DAGLB: variants seen among roughly 807,000 people sequenced by gnomAD.
DAGLB encodes the protein diacylglycerol lipase-beta.
In DAGLB, 66 loss-of-function variants were observed where a neutral mutation model predicts 72.1. That is an observed-to-expected ratio of 0.92 (90% CI 0.75 to 1.12). The LOEUF (loss-of-function observed/expected upper bound fraction) is 1.12. Ranked by LOEUF, DAGLB falls within the 50% of genes most tolerant of loss-of-function variation. The probability of loss-of-function intolerance (pLI) is 0.00; values close to 1 mark genes in which losing one functional copy is unlikely to be tolerated. For synonymous variants in DAGLB, 414 were observed against 359.5 expected (o/e 1.15, Z -1.71); for missense variants, 1,065 against 884.9 (o/e 1.20, Z -2.58).
intron 6 of DAGLB, among the ~76,000 whole-genome samples, chr7:6,429,281 T>A (rs1562484625): frequency 6.6e-6 from 1 of 151,964 alleles, no homozygotes; most frequent in Non-Finnish European, 1.5e-5. Context: ...AATCTAATCA[T>A]GGGGAAACCA....
chr7:6,435,087 T>A, intron 3 of DAGLB, 67 bp from the exon 4 acceptor site: 4 of 1,579,460 alleles, frequency 2.5e-6, no homozygotes, highest in Non-Finnish European at 3.4e-6. Context: ...ATGTCCGGGG[T>A]CCCTCCTCCA....
chr7:6,445,512 T>C (rs1583305448), intron 2 of DAGLB, among the ~76,000 whole-genome samples: 2 of 152,316 alleles, frequency 1.3e-5, no homozygotes, highest in East Asian at 3.9e-4. Flanking sequence ...GTATGGGATC[T>C]CTTTCTTTCC....
chr7:6,417,239 A>C (rs1583283290), intron 9 of DAGLB: 2 of 210,176 alleles, frequency 9.5e-6, no homozygotes, highest in Non-Finnish European at 1.9e-5. Flanking sequence ...AAAATACAAG[A>C]CCAGCCTGGA....
intron 11 of DAGLB, among the ~76,000 whole-genome samples, chr7:6,415,755 G>T (rs1783888368): frequency 6.6e-6 from 1 of 150,932 alleles, no homozygotes; most frequent in Non-Finnish European, 1.5e-5. Context: ...TGAGGCAGGA[G>T]AATCGCTTGA....
intron 5 of DAGLB, 71 bp from the exon 6 acceptor site, chr7:6,430,678 C>G: frequency 7.2e-7 from 1 of 1,393,734 alleles, no homozygotes; most frequent in Non-Finnish European, 9.5e-7. Context: ...ACACTGAGAC[C>G]TGAAACCTGA....
At chr7:6,432,739 A>AAGGG in intron 5 of DAGLB, 98 bp downstream of exon 5, 1 of 1,403,678 alleles carries the variant, frequency 7.1e-7, no homozygotes, top group Non-Finnish European at 9.3e-7. Context: ...GGAATGAAGG[A>AAGGG]AGGGAGGAAG....
chr7:6,412,171 C>T (rs2115237413), intron 13 of DAGLB, among the ~76,000 whole-genome samples: 1 of 152,274 alleles, frequency 6.6e-6, no homozygotes, highest in Admixed American at 6.5e-5. Context: ...GCCTTAGCCT[C>T]CCAAAGGGCT....
chr7:6,439,627 G>T (rs1230591309), intron 2 of DAGLB, among the ~76,000 whole-genome samples: 1 of 152,158 alleles, frequency 6.6e-6, no homozygotes, highest in African/African-American at 2.4e-5. Flanking sequence ...GCCACACATG[G>T]CACAAGGCAG....
Position 6,434,850 on chromosome 7 carries a change from A to C in DAGLB, c.590T>G (p.Ile197Ser), listed in dbSNP as rs200639950. ...CCCAATGCAACAGCACAAGAGCTTG[A>C]TTCTGGTTTCCCACACGCTTGTAGC... Reference protein sequence around the residue: ...TAATSVWETRIKLLCCCIGKD... With the variant: ...TAATSVWETRSKLLCCCIGKD... The change falls in exon 4 of 15, where the codon ATC becomes AGC. Residue 197 changes from isoleucine to serine, a missense_variant. Coordinates refer to ENST00000297056, the MANE Select transcript of DAGLB (RefSeq NM_139179.4). The C allele has an allele frequency of 6.2e-7, 1 of 1,614,194 alleles. No individual in the cohort carries two copies. The highest frequency in any genetic ancestry group is 2.2e-5 in the East Asian group (1 of 44,884).
At chr7:6,426,862 C>T (rs1375240594) in intron 6 of DAGLB, among the ~76,000 whole-genome samples, 1 of 152,212 alleles carries the variant, frequency 6.6e-6, no homozygotes, top group African/African-American at 2.4e-5. Context: ...TAATCCGGCA[C>T]TCTGGGAGAT....
At chr7:6,430,458 G>C in intron 6 of DAGLB, 22 bp downstream of exon 6, 1 of 1,489,632 alleles carries the variant, frequency 6.7e-7, no homozygotes, top group Non-Finnish European at 9.0e-7. Flanking sequence ...TGGCTATGGA[G>C]GCTCAGACTG....
chr7:6,418,116 G>A lies in DAGLB; in HGVS notation c.1219-1195C>T, dbSNP rs183424456. On this transcript the variant is annotated intron_variant, in intron 9 of 14. Coordinates refer to ENST00000297056, the MANE Select transcript of DAGLB (RefSeq NM_139179.4). The stretch of plus-strand genomic sequence containing the variant: ...GAACTCCTGACCTCGTGATCCACCC[G>A]CCTCAGCCTCCCAAAGTGCTGGGAT... Among the ~76,000 whole-genome samples the A allele has an allele frequency of 8.9e-3, 1,358 of 152,110 alleles. 24 individuals are homozygous for A. The highest frequency in any genetic ancestry group is 0.031 in the African/African-American group (1,304 of 41,524).
At chr7:6,414,825 A>T (rs1025355814) in intron 11 of DAGLB, among the ~76,000 whole-genome samples, 2 of 152,140 alleles carry the variant, frequency 1.3e-5, no homozygotes, top group African/African-American at 2.4e-5. Flanking sequence ...GATGGAAAAA[A>T]AAAATACTTG....
intron 6 of DAGLB, among the ~76,000 whole-genome samples, chr7:6,426,507 C>T (rs1473760671): frequency 3.3e-5 from 5 of 152,142 alleles, no homozygotes; most frequent in African/African-American, 1.2e-4. Flanking sequence ...TGACCTCAGG[C>T]GAACTGCCCG....
chr7:6,422,273 G>A, intron 8 of DAGLB: 1 of 295,478 alleles, frequency 3.4e-6, no homozygotes, highest in South Asian at 2.9e-5. Flanking sequence ...CCCTGGAGGA[G>A]GTGACGCCAC....
intron 4 of DAGLB, among the ~76,000 whole-genome samples, chr7:6,433,839 G>A (rs1259434460): frequency 2.3e-5 from 3 of 133,178 alleles, no homozygotes; most frequent in Admixed American, 1.6e-4. Context: ...GTGACAAAAC[G>A]AGACCTTGTC....
intron 5 of DAGLB, among the ~76,000 whole-genome samples, chr7:6,431,635 G>A (rs967163903): frequency 3.3e-5 from 5 of 152,088 alleles, no homozygotes; most frequent in African/African-American, 1.2e-4. Flanking sequence ...AGCTGGGCAT[G>A]GTGGTGCACG....
At chr7:6,421,662 C>A (rs565849007) in intron 9 of DAGLB, 65 bp downstream of exon 9, 1 of 1,532,264 alleles carries the variant, frequency 6.5e-7, no homozygotes, top group East Asian at 2.3e-5. Context: ...CAGTCCCTGA[C>A]CCGAGGCACC....
chr7:6,412,680 T>C (rs552288813), intron 13 of DAGLB, 131 bp downstream of exon 13: 1 of 1,019,618 alleles, frequency 9.8e-7, no homozygotes, highest in East Asian at 2.6e-5. Flanking sequence ...TCTGATCAGA[T>C]GGTGGAAGGA....
Sources: allele counts gnomAD v4.1 joint callset (sites outside exome capture counted in the v4.1 genomes callset), GRCh38; gene constraint gnomAD v4.1.1; transcripts MANE v1.5; gene names NCBI Gene and HGNC (gene_info 2026-07-23, HGNC 2026-07-21).